Variants in PM20D2 observed in about 807,000 individuals in gnomAD.
The protein encoded by PM20D2 is xaa-Arg dipeptidase.
PM20D2 carries 33 observed loss-of-function variants against 42.9 expected under a neutral mutation model. The ratio of observed to expected loss-of-function variants is 0.77; its 90% CI spans 0.58 to 1.03. The LOEUF (loss-of-function observed/expected upper bound fraction) is 1.03. PM20D2 is among the 50% of genes least tolerant of loss of function. The pLI, the probability that PM20D2 is intolerant of heterozygous loss-of-function variation, is 0.00. For synonymous variants in PM20D2, 250 were observed against 228.2 expected (o/e 1.10, Z -0.86); for missense variants, 548 against 557.0 (o/e 0.98, Z 0.16).
At chr6:89,148,652 G>A in intron 1 of PM20D2, 1 of 798,120 alleles carries the variant, frequency 1.3e-6, no homozygotes, top group South Asian at 5.7e-5. Flanking sequence ...GGATTAATGA[G>A]TTCAGACTTT....
the PM20D2 span, among the ~76,000 whole-genome samples, chr6:89,129,237 G>A: frequency 6.6e-6 from 1 of 152,072 alleles, no homozygotes; most frequent in Non-Finnish European, 1.5e-5. Context: ...GGGGAGTAAA[G>A]GGGATGGGAT....
chr6:89,157,105 G>A (rs537789331), intron 4 of PM20D2, among the ~76,000 whole-genome samples: 3 of 152,022 alleles, frequency 2.0e-5, no homozygotes, highest in African/African-American at 4.8e-5. Flanking sequence ...TATTTTTAAA[G>A]TTTTTTGTAG....
chr6:89,112,321 T>A, the PM20D2 span, among the ~76,000 whole-genome samples: 1 of 152,170 alleles, frequency 6.6e-6, no homozygotes, highest in Non-Finnish European at 1.5e-5. Flanking sequence ...TTTAATTTTT[T>A]AAAAATTTGT....
chr6:89,126,668 TAAA>T, the PM20D2 span, among the ~76,000 whole-genome samples: 1 of 104,658 alleles, frequency 9.6e-6, no homozygotes, highest in African/African-American at 3.8e-5. Flanking sequence ...AGACTCCATC[TAAA>T]AAAAAAAAAA....
At chr6:89,122,319 G>A in the PM20D2 span, among the ~76,000 whole-genome samples, 1 of 152,220 alleles carries the variant, frequency 6.6e-6, no homozygotes, top group Non-Finnish European at 1.5e-5. Flanking sequence ...TGGGAGAAGA[G>A]TTTGGGTTAT....
the PM20D2 span, among the ~76,000 whole-genome samples, chr6:89,114,778 T>C: frequency 2.0e-5 from 3 of 152,180 alleles, no homozygotes; most frequent in Admixed American, 6.5e-5. Flanking sequence ...AAATATGAAA[T>C]TGCCAATATT....
rs1328996582 is a variant in PM20D2, at chr6:89,149,255, T to G, written c.466-10T>G. 5.0e-6 allele frequency: 8 copies of G among 1,611,864 alleles called. No individual in the cohort carries two copies. The South Asian group carries it at 7.7e-5, about 16-fold the overall frequency. On this transcript the variant is annotated splice_polypyrimidine_tract_variant and intron_variant, in intron 1 of 6. Transcript: ENST00000275072. ...TGTTGTTTTTCCCTGACATGAGTATTTCCTTCTAGGTAGTTGTCCTGGGAA... is the reference window on the plus strand; with the variant it reads ...TGTTGTTTTTCCCTGACATGAGTATGTCCTTCTAGGTAGTTGTCCTGGGAA...
chr6:89,132,520 T>C, the PM20D2 span, among the ~76,000 whole-genome samples: 13 of 151,478 alleles, frequency 8.6e-5, 1 homozygote, highest in South Asian at 2.7e-3. Context: ...ATTCAAAGTT[T>C]GAGTGAACAA....
At chr6:89,120,935 A>G in the PM20D2 span, among the ~76,000 whole-genome samples, 3 of 152,026 alleles carry the variant, frequency 2.0e-5, no homozygotes, top group Admixed American at 2.0e-4. Flanking sequence ...TTTCTATTCT[A>G]TTTTTACCTA....
In PM20D2 at chr6:89,146,347, GGGAGCCGCCC is replaced by G; in HGVS notation, c.205_214del (p.Glu69ArgfsTer69). On this transcript the variant is annotated frameshift_variant, in exon 1 of 7. Coordinates refer to ENST00000275072, the MANE Select transcript of PM20D2 (RefSeq NM_001010853.3). LOFTEE classifies it high-confidence loss of function. ...CGCGTGCTGACGCACTTCTTCGAGC[GGGAGCCGCCC>G]GCGGCCTCCTGGGCAGTGCAGCCGC... 6.4e-7 allele frequency: 1 copy of G among 1,560,982 alleles called. No individual in the cohort carries two copies. Among genetic ancestry groups the G allele is most frequent in the East Asian group, 2.3e-5 (1 of 43,024 alleles).
the PM20D2 span, among the ~76,000 whole-genome samples, chr6:89,128,294 C>G: frequency 6.6e-6 from 1 of 152,152 alleles, no homozygotes; most frequent in Non-Finnish European, 1.5e-5. Flanking sequence ...GAGTCTCTGT[C>G]TTATGCAGTT....
the PM20D2 span, among the ~76,000 whole-genome samples, chr6:89,120,175 G>A: frequency 5.9e-5 from 9 of 152,284 alleles, no homozygotes; most frequent in African/African-American, 1.4e-4. Flanking sequence ...CCCACAATAC[G>A]TGGGAATTAT....
At chr6:89,099,480 A>G in the PM20D2 span, among the ~76,000 whole-genome samples, 7 of 142,426 alleles carry the variant, frequency 4.9e-5, no homozygotes, top group South Asian at 2.1e-4. Flanking sequence ...GTATATATAT[A>G]TGTGTGTGTA....
chr6:89,095,470 C>A, the PM20D2 span, among the ~76,000 whole-genome samples: 3 of 152,134 alleles, frequency 2.0e-5, no homozygotes, highest in Non-Finnish European at 4.4e-5. Flanking sequence ...CAGGTGTGAG[C>A]CACCAGTCAG....
the PM20D2 span, among the ~76,000 whole-genome samples, chr6:89,104,555 CTTTT>C: frequency 6.6e-6 from 1 of 150,672 alleles, no homozygotes; most frequent in Non-Finnish European, 1.5e-5. Flanking sequence ...TTTTTTTTTA[CTTTT>C]TTTTTCTGCT....
chr6:89,108,361 T>C, the PM20D2 span, among the ~76,000 whole-genome samples: 2 of 152,176 alleles, frequency 1.3e-5, no homozygotes, highest in African/African-American at 4.8e-5. Flanking sequence ...AGATTATGGG[T>C]GATACAGACA....
At chr6:89,162,022 G>T in intron 6 of PM20D2, 87 bp from the exon 7 acceptor site, 1 of 1,519,624 alleles carries the variant, frequency 6.6e-7, no homozygotes. Context: ...GGCAGTTGGA[G>T]AGCCAGTTGA....
intron 2 of PM20D2, among the ~76,000 whole-genome samples, chr6:89,151,930 A>C (rs1181268440): frequency 6.6e-6 from 1 of 152,028 alleles, no homozygotes; most frequent in Non-Finnish European, 1.5e-5. Flanking sequence ...TCTACAAAAA[A>C]AAATAAAAAA....
chr6:89,127,062 A>T, the PM20D2 span, among the ~76,000 whole-genome samples: 1 of 152,324 alleles, frequency 6.6e-6, no homozygotes, highest in East Asian at 1.9e-4. Context: ...CTAATTGGTC[A>T]CCTTTGGATC....
Sources: gnomAD v4.1 joint callset for allele counts (sites outside exome capture counted in the v4.1 genomes callset) on GRCh38, gnomAD v4.1.1 for gene constraint, MANE v1.5 for transcripts, NCBI Gene and HGNC (gene_info 2026-07-23, HGNC 2026-07-21) for gene names.